The following RSPH14 variants were observed in gnomAD, a reference collection of about 807,000 sequenced individuals.
RSPH14 encodes rhabdoid tumor deletion region gene 1.
Under a neutral mutation model 26.7 loss-of-function variants are expected in RSPH14, and 20 were observed. The observed-to-expected ratio is 0.75, with a 90% CI of 0.53 to 1.09. The LOEUF (loss-of-function observed/expected upper bound fraction) is 1.09. RSPH14 is among the 50% of genes least tolerant of loss of function. The pLI, the probability that RSPH14 is intolerant of heterozygous loss-of-function variation, is 0.00. For synonymous variants in RSPH14, 177 were observed against 189.3 expected, an observed-to-expected ratio of 0.93 and a Z score of 0.53; for missense variants, 449 against 457.2, an observed-to-expected ratio of 0.98 and a Z score of 0.16.
intron 4 of RSPH14, among the ~76,000 whole-genome samples, chr22:23,091,703 G>A (rs9624022): frequency 0.11 from 17,062 of 152,070 alleles, 2,679 homozygotes; most frequent in African/African-American, 0.35. Context: ...CACACGCACC[G>A]CAATGGACCT....
chr22:23,061,677 A>C, intron 6 of RSPH14, 132 bp downstream of exon 6: 1 of 1,165,736 alleles, frequency 8.6e-7, no homozygotes, highest in Non-Finnish European at 1.2e-6. Flanking sequence ...GTGATAGGCC[A>C]AGGGGAGGTT....
chr22:23,121,612 T>C (rs2070025802), intron 4 of RSPH14, among the ~76,000 whole-genome samples: 1 of 152,202 alleles, frequency 6.6e-6, no homozygotes, highest in South Asian at 2.1e-4. Context: ...TCATTGTCAC[T>C]GCAGTCATTG....
At chr22:23,115,001 G>T (rs1235808896) in intron 4 of RSPH14, among the ~76,000 whole-genome samples, 4 of 152,228 alleles carry the variant, frequency 2.6e-5, no homozygotes, top group Admixed American at 1.3e-4. Flanking sequence ...GGATGATGCT[G>T]GTTCCAGGAA....
chr22:23,179,672 T>C, the RSPH14 span: 1 of 157,944 alleles, frequency 6.3e-6, no homozygotes, highest in South Asian at 2.0e-4. Context: ...GAAATCCCTA[T>C]TTATCATCCA....
rs551022477 is a variant in RSPH14, at chr22:23,094,336, G to A, written c.422-30203C>T. Among the ~76,000 whole-genome samples the A allele has an allele frequency of 6.6e-5, 10 of 152,206 alleles. No homozygotes were observed. In the East Asian group the frequency reaches 7.8e-4, roughly 12 times the overall value. ...GTGGGGAGGCCTGGCCTAAGCACCC[G>A]GCAAAGTCACAGGGGCATCCTAGGG... On this transcript the variant is annotated intron_variant, in intron 4 of 6. Coordinates refer to ENST00000216036, the MANE Select transcript of RSPH14 (RefSeq NM_014433.3).
chr22:23,098,673 G>A (rs974152214), intron 4 of RSPH14, among the ~76,000 whole-genome samples: 3 of 152,252 alleles, frequency 2.0e-5, no homozygotes, highest in Non-Finnish European at 4.4e-5. Flanking sequence ...AAGCGAGGCT[G>A]GAAATTCACT....
chr22:23,163,754 G>C, the RSPH14 span: 1 of 152,164 alleles, frequency 6.6e-6, no homozygotes, highest in Non-Finnish European at 1.5e-5. Context: ...CTGTGCCTTT[G>C]CCTGCACAGC....
chr22:23,121,933 G>A (rs5759590), intron 4 of RSPH14, among the ~76,000 whole-genome samples: 72,353 of 151,680 alleles, frequency 0.48, 18,071 homozygotes, highest in Middle Eastern at 0.57. Flanking sequence ...AAGTTTCACT[G>A]TGTTGGCCAG....
chr22:23,129,875 A>G (rs1484162015), intron 4 of RSPH14, among the ~76,000 whole-genome samples: 1 of 151,022 alleles, frequency 6.6e-6, no homozygotes, highest in African/African-American at 2.4e-5. Flanking sequence ...AGCTGAGACC[A>G]TGCCACTACA....
At chr22:23,076,062 G>C (rs1263950312) in intron 4 of RSPH14, among the ~76,000 whole-genome samples, 1 of 152,202 alleles carries the variant, frequency 6.6e-6, no homozygotes, top group African/African-American at 2.4e-5. Context: ...AGGAAGGGTG[G>C]CTGAGGAGGA....
intron 4 of RSPH14, among the ~76,000 whole-genome samples, chr22:23,117,296 G>C (rs996537018): frequency 1.3e-5 from 2 of 152,188 alleles, no homozygotes; most frequent in Non-Finnish European, 2.9e-5. Flanking sequence ...TAAGGTCCAG[G>C]TGGCTGCAGG....
the RSPH14 span, chr22:23,180,105 G>A: frequency 3.6e-6 from 1 of 276,764 alleles, no homozygotes; most frequent in South Asian, 6.2e-5. Context: ...CTGCCAGAGA[G>A]AGCAGCTCTT....
intron 6 of RSPH14, among the ~76,000 whole-genome samples, chr22:23,060,062 C>T (rs1310291129): frequency 6.6e-6 from 1 of 152,134 alleles, no homozygotes; most frequent in African/African-American, 2.4e-5. Context: ...GCCTACAGTC[C>T]CAGCTACTCA....
At chr22:23,160,881 G>A in the RSPH14 span, 21 of 1,613,186 alleles carry the variant, frequency 1.3e-5, no homozygotes, top group Middle Eastern at 1.6e-4. Context: ...GCCCACAGGC[G>A]AGAACGTGAA....
At chr22:23,063,786 G>T in intron 5 of RSPH14, 116 bp downstream of exon 5, 2 of 907,880 alleles carry the variant, frequency 2.2e-6, no homozygotes, top group Non-Finnish European at 1.7e-6. Flanking sequence ...CCTACCCCTG[G>T]GCACAAGCAG....
intron 4 of RSPH14, among the ~76,000 whole-genome samples, chr22:23,114,450 C>T (rs745583026): frequency 6.6e-6 from 1 of 152,206 alleles, no homozygotes; most frequent in Non-Finnish European, 1.5e-5. Context: ...CTGCCAGCCC[C>T]TCCTGCAATG....
intron 4 of RSPH14, among the ~76,000 whole-genome samples, chr22:23,087,594 A>G (rs1316105106): frequency 6.6e-6 from 1 of 152,218 alleles, no homozygotes; most frequent in Non-Finnish European, 1.5e-5. Flanking sequence ...CCGGAGTGTT[A>G]TTATTACTCA....
chr22:23,122,768 G>A (rs940576998), intron 4 of RSPH14: 6 of 359,944 alleles, frequency 1.7e-5, no homozygotes, highest in East Asian at 4.7e-5. Flanking sequence ...GGTGCCCAGC[G>A]GTTTAGGAGG....
At chr22:23,116,339 G>A (rs191927589) in intron 4 of RSPH14, among the ~76,000 whole-genome samples, 3 of 152,358 alleles carry the variant, frequency 2.0e-5, no homozygotes, top group Admixed American at 1.3e-4. Context: ...TGGCCTGTCC[G>A]CCTGAGGGGC....
Sources: gnomAD v4.1 joint callset for allele counts (sites outside exome capture counted in the v4.1 genomes callset) on GRCh38, gnomAD v4.1.1 for gene constraint, MANE v1.5 for transcripts, NCBI Gene and HGNC (gene_info 2026-07-23, HGNC 2026-07-21) for gene names.